CCDC63: variants seen among roughly 807,000 people sequenced by gnomAD.
CCDC63 encodes coiled-coil domain-containing protein 63.
CCDC63 carries 54 observed loss-of-function variants against 63.6 expected under a neutral mutation model. The ratio of observed to expected loss-of-function variants is 0.85; its 90% CI spans 0.68 to 1.07. The LOEUF is 1.07. Ranked by LOEUF, CCDC63 falls within the 50% of genes least tolerant of loss-of-function variation. The pLI, the probability that CCDC63 is intolerant of heterozygous loss-of-function variation, is 0.00. For synonymous variants in CCDC63, 253 were observed against 266.1 expected (o/e 0.95, Z 0.48); for missense variants, 637 against 689.6 (o/e 0.92, Z 0.86).
rs138822136 is a variant in CCDC63 at position 110,848,427 on chromosome 12, G to T, written c.-97+1322G>T. ...AGGGAATGTAGGAGCCCATCCCAGA[G>T]GGCACTGATCGAAAGGGAAAGGCCT... is the stretch of plus-strand genomic sequence containing the variant. On this transcript the variant is annotated intron_variant, in intron 1 of 11. Transcript: ENST00000308208. 1.4e-3 allele frequency among the ~76,000 whole-genome samples: 207 copies of T among 152,244 alleles called. 2 individuals are homozygous for T. The highest frequency in any genetic ancestry group is 0.012 in the Admixed American group (178 of 15,298).
intron 8 of CCDC63, among the ~76,000 whole-genome samples, chr12:110,892,805 C>T (rs972632984): frequency 2.1e-5 from 3 of 144,528 alleles, no homozygotes; most frequent in African/African-American, 8.0e-5. Context: ...GGCATCGCAG[C>T]GAGACTTCAT....
At chr12:110,868,672 T>C (rs2071013235) in intron 4 of CCDC63, among the ~76,000 whole-genome samples, 1 of 147,100 alleles carries the variant, frequency 6.8e-6, no homozygotes, top group South Asian at 2.2e-4. Context: ...ATGGCAGCAG[T>C]ACAGTCCAGC....
intron 4 of CCDC63, among the ~76,000 whole-genome samples, chr12:110,869,918 T>C (rs2071041568): frequency 6.6e-6 from 1 of 152,200 alleles, no homozygotes; most frequent in Non-Finnish European, 1.5e-5. Flanking sequence ...AAGCTTTTTA[T>C]TTTGGCATAC....
chr12:110,867,685 G>T (rs1333074075), intron 4 of CCDC63, among the ~76,000 whole-genome samples: 3 of 113,636 alleles, frequency 2.6e-5, no homozygotes, highest in African/African-American at 3.5e-5. Flanking sequence ...CAGACGGGGC[G>T]GCTGGCCGGG....
intron 8 of CCDC63, among the ~76,000 whole-genome samples, chr12:110,890,713 T>G (rs967179102): frequency 5.3e-5 from 8 of 152,004 alleles, no homozygotes; most frequent in Non-Finnish European, 8.8e-5. Flanking sequence ...TGTAAACGTT[T>G]TGTTTCCCAA....
chr12:110,846,422 C>G (rs2070637638), upstream of CCDC63, among the ~76,000 whole-genome samples: 2 of 152,182 alleles, frequency 1.3e-5, no homozygotes, highest in Non-Finnish European at 2.9e-5. Context: ...CACTTGGGTT[C>G]CCGTGTTATG....
At chr12:110,892,971 G>T in intron 8 of CCDC63, 105 bp from the exon 9 acceptor site, 1 of 872,188 alleles carries the variant, frequency 1.1e-6, no homozygotes, top group Non-Finnish European at 1.8e-6. Context: ...CTTTGAAACG[G>T]ATCATTGAAA....
At chr12:110,852,799 T>C in intron 1 of CCDC63, 60 bp from the exon 2 acceptor site, 8 of 1,117,514 alleles carry the variant, frequency 7.2e-6, no homozygotes, top group Non-Finnish European at 9.5e-6. Flanking sequence ...GGTGCCGTTC[T>C]GACCTGCACC....
intron 9 of CCDC63, among the ~76,000 whole-genome samples, chr12:110,895,177 G>A (rs372945019): frequency 2.0e-5 from 3 of 152,132 alleles, no homozygotes; most frequent in African/African-American, 4.8e-5. Flanking sequence ...GCAGTGGCAC[G>A]ATCTCGGTTC....
At chr12:110,853,013 A>C in intron 2 of CCDC63, 50 bp downstream of exon 2, 1 of 1,586,486 alleles carries the variant, frequency 6.3e-7, no homozygotes, top group Non-Finnish European at 8.7e-7. Context: ...GGGGTCAGGC[A>C]CTGTGCCATC....
chr12:110,884,807 C>T (rs2071256811), intron 8 of CCDC63, among the ~76,000 whole-genome samples: 1 of 151,840 alleles, frequency 6.6e-6, no homozygotes, highest in Admixed American at 6.6e-5. Flanking sequence ...CTGCCTCAGC[C>T]TCTGGAGTAG....
At chr12:110,878,540 C>A (rs567512046) in intron 5 of CCDC63, among the ~76,000 whole-genome samples, 6 of 152,290 alleles carry the variant, frequency 3.9e-5, no homozygotes, top group African/African-American at 1.4e-4. Context: ...GTCTTGAACT[C>A]CTGACCTCAG....
intron 5 of CCDC63, among the ~76,000 whole-genome samples, chr12:110,876,791 T>TGG (rs2071136048): frequency 6.6e-6 from 1 of 150,884 alleles, no homozygotes; most frequent in Non-Finnish European, 1.5e-5. Flanking sequence ...CCAAGCACTT[T>TGG]GGGAGGCTGA....
chr12:110,891,918 C>T (rs1260843186), intron 8 of CCDC63, among the ~76,000 whole-genome samples: 1 of 152,202 alleles, frequency 6.6e-6, no homozygotes, highest in Non-Finnish European at 1.5e-5. Context: ...ATGGGACAGA[C>T]TCCTAGGCAT....
chr12:110,846,196 CA>C (rs1451465252), upstream of CCDC63, among the ~76,000 whole-genome samples: 1 of 152,138 alleles, frequency 6.6e-6, no homozygotes, highest in African/African-American at 2.4e-5. Context: ...ACAATCCACT[CA>C]GGGGGCTAGG....
At chr12:110,856,435 CAA>C (rs953714652) in intron 3 of CCDC63, among the ~76,000 whole-genome samples, 1 of 152,052 alleles carries the variant, frequency 6.6e-6, no homozygotes, top group Non-Finnish European at 1.5e-5. Flanking sequence ...TCCACCTTAA[CAA>C]AGACACTCGC....
At chr12:110,896,535 C>T (rs1257558522) in intron 9 of CCDC63, among the ~76,000 whole-genome samples, 3 of 152,048 alleles carry the variant, frequency 2.0e-5, no homozygotes, top group East Asian at 1.9e-4. Flanking sequence ...CGGGATGGTG[C>T]GTGCAGAGTT....
intron 7 of CCDC63, among the ~76,000 whole-genome samples, chr12:110,882,566 T>TA (rs796427158): frequency 0.018 from 2,636 of 145,374 alleles, 79 homozygotes; most frequent in African/African-American, 0.061. Context: ...CCCTGTCTCT[T>TA]AAAAAAAAAA....
intron 4 of CCDC63, among the ~76,000 whole-genome samples, chr12:110,867,169 G>C (rs1159099857): frequency 7.8e-6 from 1 of 128,538 alleles, no homozygotes; most frequent in Non-Finnish European, 1.7e-5. Flanking sequence ...CTGGCCGGGC[G>C]GGGGGCTGAC....
Sources: allele counts gnomAD v4.1 joint callset (sites outside exome capture counted in the v4.1 genomes callset), GRCh38; gene constraint gnomAD v4.1.1; transcripts MANE v1.5; gene names NCBI Gene and HGNC (gene_info 2026-07-23, HGNC 2026-07-21).